HDAC9: variants seen among roughly 807,000 people sequenced by gnomAD.
The protein encoded by HDAC9 is histone deacetylase 9.
HDAC9 carries 41 observed loss-of-function variants against 139.4 expected under a neutral mutation model. The ratio of observed to expected loss-of-function variants is 0.29; its 90% CI spans 0.23 to 0.38. The LOEUF is 0.38. HDAC9 is among the 10% of genes least tolerant of loss of function. The probability of loss-of-function intolerance (pLI) is 1.00; values close to 1 mark genes in which losing one functional copy is unlikely to be tolerated. For missense variants in HDAC9, 1,147 were observed against 1,297.0 expected (o/e 0.88, Z 1.78); for synonymous variants, 517 against 476.2 (o/e 1.09, Z -1.12).
intron 2 of HDAC9, among the ~76,000 whole-genome samples, chr7:18,521,229 G>C (rs748031538): frequency 2.6e-4 from 40 of 152,132 alleles, no homozygotes; most frequent in Non-Finnish European, 8.8e-5. Context: ...CTCATTCTTG[G>C]ATGTCTTGCT....
intron 1 of HDAC9, among the ~76,000 whole-genome samples, chr7:18,093,762 C>CTA (rs774487829): frequency 6.6e-6 from 1 of 152,142 alleles, no homozygotes. Context: ...CTTGAAAAGT[C>CTA]TATTGAGACA....
intron 1 of HDAC9, among the ~76,000 whole-genome samples, chr7:18,117,473 G>A (rs919646126): frequency 2.7e-5 from 4 of 150,082 alleles, no homozygotes; most frequent in Admixed American, 6.6e-5. Flanking sequence ...GCAACAGAGC[G>A]AGACTCTGTC....
chr7:18,700,472 A>C (rs1195853097), intron 12 of HDAC9, among the ~76,000 whole-genome samples: 2 of 152,166 alleles, frequency 1.3e-5, no homozygotes, highest in Non-Finnish European at 2.9e-5. Context: ...GAGTGGGGCT[A>C]TCTCTCACCT....
At chr7:18,690,429 A>G (rs1346930041) in intron 12 of HDAC9, among the ~76,000 whole-genome samples, 1 of 152,008 alleles carries the variant, frequency 6.6e-6, no homozygotes, top group Admixed American at 6.6e-5. Context: ...TTGATGCTGA[A>G]AAGGTGTCTG....
chr7:18,655,024 G>A (rs965233409), intron 11 of HDAC9, among the ~76,000 whole-genome samples: 1 of 152,142 alleles, frequency 6.6e-6, no homozygotes, highest in African/African-American at 2.4e-5. Context: ...TCTTCTCACG[G>A]AAGTTCTGGG....
chr7:18,908,086 T>C (rs1004031284), intron 22 of HDAC9, among the ~76,000 whole-genome samples: 6 of 151,988 alleles, frequency 3.9e-5, no homozygotes, highest in Non-Finnish European at 5.9e-5. Flanking sequence ...CATGGAATAG[T>C]TAGTTAATTT....
At chr7:18,718,159 C>T (rs1784849442) in intron 12 of HDAC9, among the ~76,000 whole-genome samples, 1 of 152,124 alleles carries the variant, frequency 6.6e-6, no homozygotes, top group African/African-American at 2.4e-5. Flanking sequence ...ACCACTAGTC[C>T]ACTTTTTGCC....
chr7:18,248,961 A>G (rs1794739753), intron 2 of HDAC9, among the ~76,000 whole-genome samples: 1 of 152,238 alleles, frequency 6.6e-6, no homozygotes. Context: ...TAATTTAATC[A>G]AATAAACAAC....
chr7:18,786,696 C>T (rs999652753), intron 16 of HDAC9, among the ~76,000 whole-genome samples: 6 of 129,604 alleles, frequency 4.6e-5, no homozygotes, highest in Non-Finnish European at 9.5e-5. Flanking sequence ...TCACATATCC[C>T]TTTCTGTGTC....
chr7:18,457,432 T>C lies in HDAC9; in HGVS notation c.-41-38830T>C, dbSNP rs551838966. Among the ~76,000 whole-genome samples, 7 of 152,330 alleles carry C rather than the reference T, an allele frequency of 4.6e-5. No individual in the cohort carries two copies. In the South Asian group the frequency reaches 1.5e-3, roughly 32 times the overall value. On this transcript the variant is annotated intron_variant, in intron 1 of 3. Transcript: ENST00000413509. ...GTGAAGAAATAAAATTCATGAGATATTATAAATTTGATTTGCCTTCAAAAT... is the reference window on the plus strand; with the variant it reads ...GTGAAGAAATAAAATTCATGAGATACTATAAATTTGATTTGCCTTCAAAAT...
chr7:18,730,913 G>A (rs752546904), intron 13 of HDAC9, among the ~76,000 whole-genome samples: 1 of 152,106 alleles, frequency 6.6e-6, no homozygotes, highest in Non-Finnish European at 1.5e-5. Context: ...GCACTTTGGA[G>A]CCATTATGAA....
intron 1 of HDAC9, among the ~76,000 whole-genome samples, chr7:18,107,434 C>T (rs995565449): frequency 6.6e-6 from 1 of 152,126 alleles, no homozygotes; most frequent in African/African-American, 2.4e-5. Context: ...TACTGAAGAT[C>T]AGAGATCTGA....
intron 1 of HDAC9, among the ~76,000 whole-genome samples, chr7:18,400,231 C>A (rs1230555538): frequency 1.3e-5 from 2 of 152,252 alleles, no homozygotes; most frequent in East Asian, 3.9e-4. Context: ...ACTGTTTTCC[C>A]TTATTTAGTT....
intron 25 of HDAC9, among the ~76,000 whole-genome samples, chr7:18,992,118 A>T (rs1421385775): frequency 2.0e-5 from 3 of 152,272 alleles, no homozygotes; most frequent in Non-Finnish European, 4.4e-5. Context: ...ATATACACAA[A>T]ATATATGACC....
intron 17 of HDAC9, among the ~76,000 whole-genome samples, chr7:18,821,782 T>C (rs945296806): frequency 6.6e-6 from 1 of 152,224 alleles, no homozygotes; most frequent in African/African-American, 2.4e-5. Context: ...GCTGGTTGCA[T>C]GTCCAGGTTT....
At chr7:18,848,809 A>G (rs1028439962) in intron 21 of HDAC9, among the ~76,000 whole-genome samples, 2 of 152,210 alleles carry the variant, frequency 1.3e-5, no homozygotes, top group Non-Finnish European at 2.9e-5. Context: ...CACTGGATAC[A>G]AGAAATGTTA....
intron 8 of HDAC9, among the ~76,000 whole-genome samples, chr7:18,641,090 A>G (rs1266602752): frequency 2.6e-5 from 4 of 152,088 alleles, no homozygotes; most frequent in African/African-American, 7.2e-5. Context: ...AATTATACCC[A>G]GTGTCCCTTC....
intron 6 of HDAC9, among the ~76,000 whole-genome samples, chr7:18,612,065 G>A (rs2128912113): frequency 6.6e-6 from 1 of 152,148 alleles, no homozygotes. Context: ...TCATAGTAGT[G>A]CCAAAATATG....
At chr7:18,616,120 T>C (rs372888480) in intron 6 of HDAC9, among the ~76,000 whole-genome samples, 10 of 152,314 alleles carry the variant, frequency 6.6e-5, no homozygotes, top group Admixed American at 3.3e-4. Context: ...TGCCTCCCTC[T>C]TCCTTATTTT....
Sources: allele counts gnomAD v4.1 joint callset (sites outside exome capture counted in the v4.1 genomes callset), GRCh38; gene constraint gnomAD v4.1.1; transcripts MANE v1.5; gene names NCBI Gene and HGNC (gene_info 2026-07-23, HGNC 2026-07-21).